CACNB2: variants seen among roughly 807,000 people sequenced by gnomAD.
CACNB2 encodes calcium voltage-gated channel auxiliary subunit beta 2, also known as voltage-dependent L-type calcium channel subunit beta-2.
A neutral mutation model predicts 73.3 loss-of-function variants in CACNB2; 42 were observed. The ratio of observed to expected loss-of-function variants is 0.57; its 90% CI spans 0.45 to 0.74. The LOEUF (loss-of-function observed/expected upper bound fraction) is 0.74, where lower values mean the gene tolerates loss of function less well. Among genes scored for constraint, CACNB2 ranks in the 30% least tolerant of loss-of-function variants. CACNB2 has a pLI of 0.00. For synonymous variants in CACNB2, 348 were observed against 310.3 expected, an observed-to-expected ratio of 1.12 and a Z score of -1.28; for missense variants, 940 against 853.0, an observed-to-expected ratio of 1.10 and a Z score of -1.27.
chr10:18,358,797 A>G (rs939719767), intron 2 of CACNB2, among the ~76,000 whole-genome samples: 1 of 152,298 alleles, frequency 6.6e-6, no homozygotes, highest in East Asian at 1.9e-4. Flanking sequence ...ATAGAATAAA[A>G]TGAGAGCCTG....
intron 3 of CACNB2, among the ~76,000 whole-genome samples, chr10:18,428,706 A>T (rs1161568185): frequency 7.2e-6 from 1 of 139,798 alleles, no homozygotes; most frequent in Non-Finnish European, 1.6e-5. Context: ...AAAAAAAAAA[A>T]GGAATGATTT....
At chr10:18,391,387 C>G (rs187567789) in intron 2 of CACNB2, among the ~76,000 whole-genome samples, 34 of 152,220 alleles carry the variant, frequency 2.2e-4, no homozygotes, top group African/African-American at 8.2e-4. Context: ...GGAGAGCTTT[C>G]TTGTAAATTG....
At chr10:18,397,363 G>A (rs572492137) in intron 2 of CACNB2, among the ~76,000 whole-genome samples, 1 of 152,288 alleles carries the variant, frequency 6.6e-6, no homozygotes, top group African/African-American at 2.4e-5. Flanking sequence ...TACTCTGGAG[G>A]CTGAGGCAGG....
At chr10:18,397,000 A>G (rs919467030) in intron 2 of CACNB2, among the ~76,000 whole-genome samples, 1 of 152,174 alleles carries the variant, frequency 6.6e-6, no homozygotes, top group African/African-American at 2.4e-5. Flanking sequence ...AGAAGAACAC[A>G]ATTTGGGATC....
At chr10:18,324,865 A>AAACAACAAC (rs531878678) in intron 2 of CACNB2, among the ~76,000 whole-genome samples, 1 of 152,244 alleles carries the variant, frequency 6.6e-6, no homozygotes, top group Non-Finnish European at 1.5e-5. Flanking sequence ...CTCCATGTCA[A>AAACAACAAC]AACAACAACA....
chr10:18,458,283 T>C (rs1191244762), intron 3 of CACNB2, among the ~76,000 whole-genome samples: 1 of 152,214 alleles, frequency 6.6e-6, no homozygotes, highest in Non-Finnish European at 1.5e-5. Context: ...AAAAACAAAT[T>C]TGGCAAATCA....
chr10:18,464,796 C>T (rs756821426), intron 3 of CACNB2, among the ~76,000 whole-genome samples: 31 of 152,106 alleles, frequency 2.0e-4, no homozygotes, highest in Non-Finnish European at 4.1e-4. Context: ...TACGCAGGGG[C>T]GGTAGGAATG....
At chr10:18,466,277 C>G (rs1385723469) in intron 3 of CACNB2, among the ~76,000 whole-genome samples, 3 of 152,076 alleles carry the variant, frequency 2.0e-5, no homozygotes, top group Non-Finnish European at 4.4e-5. Context: ...GCTCTGTCAC[C>G]CAGCCTAGAG....
rs544314116 is a variant in CACNB2, at chr10:18,511,213, A to C, written c.671-3023A>C. Among the ~76,000 whole-genome samples the C allele has an allele frequency of 2.7e-4, 41 of 152,298 alleles. 1 individual carries two copies. In the South Asian group the frequency reaches 8.5e-3, roughly 32 times the overall value. ...AGGTCTACGTAATTAGGACTGAATT[A>C]ATTCCATTATTACCTTTTTTTTGAT... is the stretch of plus-strand genomic sequence containing the variant. On this transcript the variant is annotated intron_variant, in intron 6 of 13. Transcript: ENST00000324631.
intron 3 of CACNB2, among the ~76,000 whole-genome samples, chr10:18,423,329 C>A (rs4748464): frequency 0.89 from 135,870 of 152,124 alleles, 61,018 homozygotes; most frequent in African/African-American, 0.97. Flanking sequence ...ACGTGAAGAG[C>A]TCTTTTTAGA....
chr10:18,383,135 C>T (rs1018105487), intron 2 of CACNB2, among the ~76,000 whole-genome samples: 13 of 152,238 alleles, frequency 8.5e-5, no homozygotes, highest in African/African-American at 2.2e-4. Context: ...GCTTAACAGC[C>T]GGTGTCATCC....
chr10:18,457,162 T>A (rs982792659), intron 3 of CACNB2, among the ~76,000 whole-genome samples: 2 of 152,186 alleles, frequency 1.3e-5, no homozygotes, highest in Admixed American at 6.5e-5. Context: ...GCAGTCATGG[T>A]TCACTGCAGG....
chr10:18,207,661 A>G (rs1187184293), intron 2 of CACNB2, among the ~76,000 whole-genome samples: 2 of 152,226 alleles, frequency 1.3e-5, no homozygotes, highest in African/African-American at 4.8e-5. Context: ...GCACACATTC[A>G]TTTACCTTTT....
intron 3 of CACNB2, among the ~76,000 whole-genome samples, chr10:18,482,791 G>C (rs4330988): frequency 1 from 151,785 of 152,312 alleles, 75,645 homozygotes; most frequent in Middle Eastern, 1. Flanking sequence ...GGATTACAGG[G>C]ATGAGCCACC....
intron 2 of CACNB2, among the ~76,000 whole-genome samples, chr10:18,193,337 C>G (rs925282891): frequency 4.0e-5 from 6 of 150,822 alleles, no homozygotes; most frequent in Non-Finnish European, 5.9e-5. Context: ...ATTCCAATTT[C>G]TCCACATTTT....
At chr10:18,517,201 T>C (rs910164448) in intron 7 of CACNB2, among the ~76,000 whole-genome samples, 4 of 152,248 alleles carry the variant, frequency 2.6e-5, no homozygotes, top group South Asian at 2.1e-4. Flanking sequence ...TCTCAAGTTA[T>C]ATTTTTTGAC....
At chr10:18,340,905 G>A (rs776695288) in intron 2 of CACNB2, 2 of 1,614,120 alleles carry the variant, frequency 1.2e-6, no homozygotes, top group Non-Finnish European at 1.7e-6. Context: ...GGAGTGCTGG[G>A]CGCACTTGGA....
intron 2 of CACNB2, among the ~76,000 whole-genome samples, chr10:18,350,839 G>A (rs1009472622): frequency 3.9e-5 from 6 of 152,130 alleles, no homozygotes; most frequent in African/African-American, 7.2e-5. Flanking sequence ...ACAGGGTCTC[G>A]TTCTGCCGTC....
chr10:18,405,983 G>A (rs150619332), intron 3 of CACNB2, among the ~76,000 whole-genome samples: 12 of 145,724 alleles, frequency 8.2e-5, no homozygotes, highest in African/African-American at 2.6e-4. Flanking sequence ...AACAAAAAAC[G>A]ATGGACTCAA....
Sources: allele counts gnomAD v4.1 joint callset (sites outside exome capture counted in the v4.1 genomes callset), GRCh38; gene constraint gnomAD v4.1.1; transcripts MANE v1.5; gene names NCBI Gene and HGNC (gene_info 2026-07-23, HGNC 2026-07-21).